The following TRAPPC2 variants were observed in gnomAD, a reference collection of about 807,000 sequenced individuals.
TRAPPC2 encodes sedlin.
Under a neutral mutation model 10.0 loss-of-function variants are expected in TRAPPC2, and 4 were observed. The ratio of observed to expected loss-of-function variants is 0.40; its 90% confidence interval spans 0.20 to 0.92. TRAPPC2 has a LOEUF of 0.92. Ranked by LOEUF, TRAPPC2 falls within the 40% of genes least tolerant of loss-of-function variation. The pLI is 0.35. For synonymous variants in TRAPPC2, 36 were observed against 37.3 expected (o/e 0.97, Z 0.12); for missense variants, 52 against 108.7 (o/e 0.48, Z 2.32).
Position 13,719,913 on chromosome X carries a change from A to C in TRAPPC2, c.51T>G (p.Val17=). Reference sequence around the variant, plus strand: ...CAGCTGGCAAAAACTCCATTTCAAAAACTGGATTATCATGGTGGCCAACAA... The same window carrying C: ...CAGCTGGCAAAAACTCCATTTCAAACACTGGATTATCATGGTGGCCAACAA... ...FVIVGHHDNP[V]FEMEFLPAGK... is the part of the protein sequence containing the mutation. The change falls in exon 3 of 6, where the codon GTT becomes GTG. Residue 17 remains valine, a synonymous_variant. Coordinates refer to ENST00000380579, the MANE Select transcript of TRAPPC2 (RefSeq NM_001011658.4). 8.3e-7 allele frequency: 1 copy of C among 1,203,831 alleles called. No individual in the cohort carries two copies. The highest frequency in any genetic ancestry group is 1.1e-6 in the Non-Finnish European group (1 of 891,627).
At chrX:13,721,060 T>C (rs1602720110) in intron 2 of TRAPPC2, 1 of 105,429 alleles carries the variant, frequency 9.5e-6, no homozygotes, top group African/African-American at 3.5e-5. Flanking sequence ...GCAGAAGAGA[T>C]GAAACTACGA....
chrX:13,721,328 AC>A (rs2046401783), intron 2 of TRAPPC2: 1 of 112,257 alleles, frequency 8.9e-6, no homozygotes, highest in Non-Finnish European at 1.9e-5. Flanking sequence ...ACACTGTAGC[AC>A]CTTATGGTGC....
In TRAPPC2 at chrX:13,716,037, G is replaced by A. The variant is rs1348383780; in HGVS notation, c.291C>T (p.Asn97=). Residue 97 remains asparagine (N), a synonymous_variant, in exon 5 of 6, where the codon AAC becomes AAT. Transcript: ENST00000380579. The stretch of plus-strand genomic sequence containing the variant: ...ATAAATCATAAACATCAGTAAAGAA[G>A]TTCTTTATTCCATCTTCTTGTCTTA... The part of the protein sequence containing the change: ...HDIRQEDGIK[N]FFTDVYDLYI... 8.4e-7 allele frequency: 1 copy of A among 1,192,364 alleles called. No individual in the cohort carries two copies. Among genetic ancestry groups the A allele is most frequent in the South Asian group, 1.8e-5 (1 of 56,042 alleles).
intron 2 of TRAPPC2, among the ~76,000 whole-genome samples, chrX:13,728,226 G>A (rs1245582764): frequency 2.7e-5 from 3 of 112,075 alleles, no homozygotes; most frequent in African/African-American, 9.7e-5. Flanking sequence ...CAGAAAAAGA[G>A]GGAATCCTCC....
rs1207988293 is a variant in TRAPPC2 at position 13,712,752 on chromosome X, CTT to C, written c.*1653_*1654del. ...CTCTGGTGGAAGCAGACATGTGACACTTAGCACTGCACAAGTGTTTCTTTGGC... is the reference window on the plus strand; with the variant it reads ...CTCTGGTGGAAGCAGACATGTGACACAGCACTGCACAAGTGTTTCTTTGGC... On this transcript the variant is annotated 3_prime_UTR_variant, in exon 6 of 6. Coordinates refer to ENST00000380579, the MANE Select transcript of TRAPPC2 (RefSeq NM_001011658.4). 1 of 112,260 alleles carries C rather than the reference CTT, an allele frequency of 8.9e-6. No homozygotes were observed. The highest frequency in any genetic ancestry group is 1.9e-5 in the Non-Finnish European group (1 of 53,255). 9.3% of individuals were successfully genotyped at this position (112,260 alleles called of 1,213,427 possible). A position where few individuals can be genotyped will look rare whatever the true frequency, so the allele number is the denominator to read the frequency against.
intron 3 of TRAPPC2, among the ~76,000 whole-genome samples, chrX:13,719,153 T>C (rs758772604): frequency 1.4e-4 from 16 of 110,565 alleles, no homozygotes; most frequent in Admixed American, 5.8e-4. Flanking sequence ...CAAGACTCTG[T>C]CTCAAAAAGA....
chrX:13,724,964 G>A (rs1000979351), intron 2 of TRAPPC2, among the ~76,000 whole-genome samples: 12 of 113,329 alleles, frequency 1.1e-4, no homozygotes, highest in Non-Finnish European at 2.1e-4. Context: ...TGCCTGGCTC[G>A]GCAGGTCCCA....
chrX:13,728,648 T>C (rs2146860130), intron 2 of TRAPPC2, among the ~76,000 whole-genome samples: 1 of 112,319 alleles, frequency 8.9e-6, no homozygotes, highest in East Asian at 2.8e-4. Flanking sequence ...AATATCATAC[T>C]GAATGGGCAA....
intron 2 of TRAPPC2, among the ~76,000 whole-genome samples, chrX:13,728,041 C>A (rs1341222338): frequency 8.9e-6 from 1 of 112,074 alleles, no homozygotes; most frequent in East Asian, 2.8e-4. Context: ...TCTCCCAAGG[C>A]TAAACCAGGA....
chrX:13,715,069 A>G (rs2046264569), intron 5 of TRAPPC2, among the ~76,000 whole-genome samples: 1 of 112,908 alleles, frequency 8.9e-6, no homozygotes, highest in Admixed American at 9.4e-5. Flanking sequence ...GTTCATCTTT[A>G]TAAGAGGGCT....
chrX:13,734,482 A>G, intron 1 of TRAPPC2, 43 bp downstream of exon 1: 1 of 217,647 alleles, frequency 4.6e-6, no homozygotes, highest in East Asian at 8.5e-5. Flanking sequence ...TCCTCCAGGG[A>G]CTCAAAACAC....
At chrX:13,732,209 A>T (rs1355896326) in intron 2 of TRAPPC2, among the ~76,000 whole-genome samples, 1 of 111,799 alleles carries the variant, frequency 8.9e-6, no homozygotes, top group Non-Finnish European at 1.9e-5. Context: ...TGGGAATCAT[A>T]TTGTAAAAGG....
At chrX:13,717,537 T>G (rs1327169917) in intron 3 of TRAPPC2, among the ~76,000 whole-genome samples, 1 of 109,551 alleles carries the variant, frequency 9.1e-6, no homozygotes, top group Non-Finnish European at 1.9e-5. Context: ...AGGTCAGGAG[T>G]TCAAGACCAG....
Position 13,734,122 on chromosome X carries a change from C to T in TRAPPC2, c.-98G>A, listed in dbSNP as rs1305472134. The stretch of plus-strand genomic sequence containing the variant: ...TCTCAACCCGGAGCGATCTTGCTTC[C>T]AAGAGGACATCTGGCAATATCTGGA... On this transcript the variant is annotated 5_prime_UTR_variant, in exon 2 of 6. It introduces an in-frame stop codon into an upstream open reading frame of the 5' UTR. Coordinates refer to ENST00000380579, the MANE Select transcript of TRAPPC2 (RefSeq NM_001011658.4). 2.0e-6 allele frequency: 1 copy of T among 510,964 alleles called. No homozygotes were observed. The highest frequency in any genetic ancestry group is 2.3e-5 in the African/African-American group (1 of 43,109). 42.1% of individuals were successfully genotyped at this position (510,964 alleles called of 1,213,427 possible).
At chrX:13,716,908 GTATA>G (rs1447225856) in intron 3 of TRAPPC2, among the ~76,000 whole-genome samples, 1 of 109,882 alleles carries the variant, frequency 9.1e-6, no homozygotes, top group African/African-American at 3.3e-5. Context: ...AATGAAATGT[GTATA>G]TAGAGGATTT....
rs191377471 is a variant in TRAPPC2 at position 13,723,945 on chromosome X, C to G, written c.-19-3963G>C. ...TGGATCATCCAGGTGGACCCAATGT[C>G]ATGACAAGGGCCTTAAAAGTAGAAT... is the stretch of plus-strand genomic sequence containing the variant. On this transcript the variant is annotated intron_variant, in intron 2 of 5. Coordinates refer to ENST00000380579, the MANE Select transcript of TRAPPC2 (RefSeq NM_001011658.4). Among the ~76,000 whole-genome samples, 10 of 111,570 alleles carry G rather than the reference C, an allele frequency of 9.0e-5. No homozygotes were observed. The East Asian group carries it at 2.8e-3, about 32-fold the overall frequency.
At chrX:13,733,033 C>G (rs1410078624) in intron 2 of TRAPPC2, among the ~76,000 whole-genome samples, 2 of 111,875 alleles carry the variant, frequency 1.8e-5, no homozygotes, top group Admixed American at 1.9e-4. Flanking sequence ...AAGCAATTCT[C>G]CCTCCCCTAG....
chrX:13,718,461 A>C (rs1418763232), intron 3 of TRAPPC2, among the ~76,000 whole-genome samples: 1 of 94,751 alleles, frequency 1.1e-5, no homozygotes, highest in African/African-American at 3.7e-5. Flanking sequence ...AAAGAACTAA[A>C]ATCAAGTTAT....
rs1486942094 is a variant in TRAPPC2 at position 13,714,159 on chromosome X, A to C, written c.*248T>G. The stretch of plus-strand genomic sequence containing the variant: ...TCTGTATCAGAAAAAAAAAAAAAAA[A>C]AAAACATGATTATTGATAATGAACT... On this transcript the variant is annotated 3_prime_UTR_variant, in exon 6 of 6. Transcript: ENST00000380579. The C allele has an allele frequency of 2.6e-5, 5 of 191,771 alleles. No individual in the cohort carries two copies. Among genetic ancestry groups the C allele is most frequent in the East Asian group, 1.8e-4 (2 of 11,311 alleles). The allele number at this position is 191,771 out of a possible 1,213,427, so 15.8% of individuals were successfully genotyped here.
Sources: gnomAD v4.1 joint callset for allele counts (sites outside exome capture counted in the v4.1 genomes callset) on GRCh38, gnomAD v4.1.1 for gene constraint, MANE v1.5 for transcripts, NCBI Gene and HGNC (gene_info 2026-07-23, HGNC 2026-07-21) for gene names.